The following FRMPD4 variants were observed in gnomAD, a reference collection of about 807,000 sequenced individuals.
The protein encoded by FRMPD4 is FERM and PDZ domain containing 4.
FRMPD4 carries 22 observed loss-of-function variants against 94.1 expected under a neutral mutation model. That is an observed-to-expected ratio of 0.23 (90% CI 0.17 to 0.33). The LOEUF is 0.33. Among genes scored for constraint, FRMPD4 ranks in the 10% least tolerant of loss-of-function variants. The pLI is 1.00. For synonymous variants in FRMPD4, 631 were observed against 548.6 expected (o/e 1.15, Z -2.10); for missense variants, 1,111 against 1,339.9 (o/e 0.83, Z 2.67).
intron 1 of FRMPD4, among the ~76,000 whole-genome samples, chrX:12,424,723 G>A (rs1215001850): frequency 5.3e-5 from 6 of 112,392 alleles, no homozygotes; most frequent in Non-Finnish European, 9.4e-5. Context: ...CAAATGCTCC[G>A]GTCTCTCCAT....
At chrX:11,854,390 C>T (rs1030794714) in intron 1 of FRMPD4, among the ~76,000 whole-genome samples, 1 of 111,878 alleles carries the variant, frequency 8.9e-6, no homozygotes, top group Non-Finnish European at 1.9e-5. Flanking sequence ...GCCCTTCCAA[C>T]AGTCTTCCAA....
intron 1 of FRMPD4, among the ~76,000 whole-genome samples, chrX:12,393,984 C>T (rs2056510543): frequency 9.0e-6 from 1 of 110,853 alleles, no homozygotes; most frequent in South Asian, 3.8e-4. Flanking sequence ...TAAGTTATCA[C>T]CATATATGGT....
intron 3 of FRMPD4, among the ~76,000 whole-genome samples, chrX:12,092,638 G>A (rs1363522201): frequency 9.0e-6 from 1 of 111,521 alleles, no homozygotes; most frequent in African/African-American, 3.3e-5. Context: ...GAAAAGCAAT[G>A]GAGCTTGAGG....
intron 3 of FRMPD4, among the ~76,000 whole-genome samples, chrX:12,132,283 C>G (rs775348669): frequency 6.1e-4 from 67 of 110,275 alleles, no homozygotes; most frequent in African/African-American, 2.1e-3. Context: ...TGGAGCTAAG[C>G]AACTAAAAGG....
intron 1 of FRMPD4, among the ~76,000 whole-genome samples, chrX:12,278,215 A>G (rs906497506): frequency 3.6e-5 from 4 of 111,650 alleles, no homozygotes; most frequent in Admixed American, 2.8e-4. Flanking sequence ...GTCAGTGTTT[A>G]ATATCAACAA....
intron 2 of FRMPD4, among the ~76,000 whole-genome samples, chrX:12,555,222 C>T (rs2058583355): frequency 9.0e-6 from 1 of 111,328 alleles, no homozygotes; most frequent in African/African-American, 3.3e-5. Context: ...ACCTCACCTT[C>T]AGCTGCCATA....
chrX:11,941,009 C>T (rs2054156540), intron 3 of FRMPD4, among the ~76,000 whole-genome samples: 1 of 17,778 alleles, frequency 5.6e-5, no homozygotes, highest in African/African-American at 1.6e-4. Flanking sequence ...TTTCTTAAGC[C>T]GGTCTGAAAA....
intron 16 of FRMPD4, among the ~76,000 whole-genome samples, chrX:12,719,880 G>C (rs1471378101): frequency 9.0e-6 from 1 of 110,949 alleles, no homozygotes; most frequent in African/African-American, 3.3e-5. Context: ...AACTGGCCCA[G>C]TGTTTCAACT....
intron 3 of FRMPD4, among the ~76,000 whole-genome samples, chrX:12,033,216 T>A (rs1402292284): frequency 9.0e-6 from 1 of 111,447 alleles, no homozygotes; most frequent in Non-Finnish European, 1.9e-5. Context: ...GAAATAAATG[T>A]CCATAAAACT....
At chrX:12,364,972 C>T (rs999983679) in intron 1 of FRMPD4, among the ~76,000 whole-genome samples, 4 of 112,641 alleles carry the variant, frequency 3.6e-5, no homozygotes, top group African/African-American at 6.5e-5. Flanking sequence ...CTCACCTCTA[C>T]GTGTCCTGGC....
chrX:12,571,788 A>C (rs2058763239), intron 2 of FRMPD4, among the ~76,000 whole-genome samples: 1 of 112,453 alleles, frequency 8.9e-6, no homozygotes, highest in African/African-American at 3.2e-5. Flanking sequence ...TGTTCACTTG[A>C]TTGAAAATTT....
intron 3 of FRMPD4, among the ~76,000 whole-genome samples, chrX:11,902,154 C>A (rs1198517210): frequency 8.9e-6 from 1 of 112,618 alleles, no homozygotes; most frequent in African/African-American, 3.2e-5. Context: ...TTTAATGCTT[C>A]TTTTTTGCTT....
intron 1 of FRMPD4, among the ~76,000 whole-genome samples, chrX:11,863,879 T>C (rs1442456997): frequency 2.7e-5 from 3 of 112,301 alleles, no homozygotes; most frequent in African/African-American, 9.7e-5. Context: ...CTTCTTTGAA[T>C]AATTTGTGAA....
chrX:12,430,962 A>G (rs1477244230), intron 1 of FRMPD4, among the ~76,000 whole-genome samples: 2 of 112,471 alleles, frequency 1.8e-5, no homozygotes, highest in Admixed American at 9.4e-5. Context: ...TCAGAGGAGT[A>G]TTTGTATTCA....
intron 12 of FRMPD4, among the ~76,000 whole-genome samples, chrX:12,707,238 T>G (rs1320233831): frequency 3.6e-5 from 4 of 112,279 alleles, no homozygotes; most frequent in African/African-American, 1.3e-4. Flanking sequence ...TAAAAGGATC[T>G]TATGATTATG....
intron 14 of FRMPD4, 58 bp from the exon 15 acceptor site, chrX:12,716,007 CCCCG>C: frequency 3.4e-6 from 1 of 290,285 alleles, no homozygotes; most frequent in Non-Finnish European, 6.4e-6. Flanking sequence ...AGCCTCCCAC[CCCCG>C]CCCCACCCAA....
chrX:12,664,816 G>A (rs1602284571), intron 4 of FRMPD4, among the ~76,000 whole-genome samples: 1 of 111,923 alleles, frequency 8.9e-6, no homozygotes, highest in African/African-American at 3.3e-5. Flanking sequence ...GAATTTGGCT[G>A]TGAATATGTC....
At chrX:12,595,601 T>C (rs2059023898) in intron 2 of FRMPD4, among the ~76,000 whole-genome samples, 1 of 112,529 alleles carries the variant, frequency 8.9e-6, no homozygotes, top group Non-Finnish European at 1.9e-5. Flanking sequence ...TTTGAGCTAT[T>C]GTGAGCTTAT....
At chrX:12,432,880 C>T (rs1419326316) in intron 1 of FRMPD4, among the ~76,000 whole-genome samples, 1 of 112,113 alleles carries the variant, frequency 8.9e-6, no homozygotes, top group Non-Finnish European at 1.9e-5. Context: ...GGATTACAGG[C>T]ATGAACCACC....
Sources: gnomAD v4.1 joint callset for allele counts (sites outside exome capture counted in the v4.1 genomes callset) on GRCh38, gnomAD v4.1.1 for gene constraint, MANE v1.5 for transcripts, NCBI Gene and HGNC (gene_info 2026-07-23, HGNC 2026-07-21) for gene names.